AUTS2: variants seen among roughly 807,000 people sequenced by gnomAD.
The protein encoded by AUTS2 is activator of transcription and developmental regulator AUTS2.
A neutral mutation model predicts 112.4 loss-of-function variants in AUTS2; 17 were observed. That is an observed-to-expected ratio of 0.15 (90% CI 0.10 to 0.23). The LOEUF is 0.23. Ranked by LOEUF, AUTS2 falls within the 10% of genes least tolerant of loss-of-function variation. The pLI, the probability that AUTS2 is intolerant of heterozygous loss-of-function variation, is 1.00. For missense variants in AUTS2, 1,510 were observed against 1,701.6 expected (o/e 0.89, Z 1.98); for synonymous variants, 751 against 702.7 (o/e 1.07, Z -1.09).
chr7:70,119,928 C>T (rs1805596739), intron 3 of AUTS2: 1 of 152,028 alleles, frequency 6.6e-6, no homozygotes, highest in South Asian at 2.1e-4. Context: ...AAAGAAAATA[C>T]TAGTACTTTT....
At chr7:70,069,860 ATAATAGG>A (rs1205512235) in intron 2 of AUTS2, among the ~76,000 whole-genome samples, 1 of 152,140 alleles carries the variant, frequency 6.6e-6, no homozygotes, top group Non-Finnish European at 1.5e-5. Context: ...ATCCTGTTAT[ATAATAGG>A]AAAACATTTG....
At chr7:70,480,371 A>G (rs929876368) in intron 5 of AUTS2, among the ~76,000 whole-genome samples, 1 of 152,238 alleles carries the variant, frequency 6.6e-6, no homozygotes, top group South Asian at 2.1e-4. Context: ...AAGAAAGTTG[A>G]TAAAGTAATA....
At chr7:70,339,405 A>G (rs1416074197) in intron 4 of AUTS2, among the ~76,000 whole-genome samples, 14 of 152,346 alleles carry the variant, frequency 9.2e-5, no homozygotes, top group Admixed American at 2.6e-4. Context: ...AATTTATTCA[A>G]CACAGAAATA....
intron 2 of AUTS2, among the ~76,000 whole-genome samples, chr7:70,027,077 G>A (rs1800554187): frequency 6.6e-6 from 1 of 152,002 alleles, no homozygotes; most frequent in African/African-American, 2.4e-5. Context: ...CCCATCTGTA[G>A]GCTAATGTAA....
At chr7:70,401,988 A>T (rs1794345460) in intron 4 of AUTS2, among the ~76,000 whole-genome samples, 1 of 152,270 alleles carries the variant, frequency 6.6e-6, no homozygotes, top group Non-Finnish European at 1.5e-5. Flanking sequence ...TGATCAACTC[A>T]TAACCTTCTA....
intron 1 of AUTS2, among the ~76,000 whole-genome samples, chr7:69,858,650 GA>G (rs1792843224): frequency 6.6e-6 from 1 of 152,166 alleles, no homozygotes; most frequent in South Asian, 2.1e-4. Flanking sequence ...GTGATGCTTT[GA>G]TTGGCTGCTA....
At chr7:70,145,310 C>T (rs975813608) in intron 4 of AUTS2, among the ~76,000 whole-genome samples, 6 of 151,952 alleles carry the variant, frequency 3.9e-5, no homozygotes, top group Non-Finnish European at 5.9e-5. Flanking sequence ...TTGTAGCCAT[C>T]GTGTACAACT....
chr7:70,156,398 T>C (rs4623296), intron 4 of AUTS2, among the ~76,000 whole-genome samples: 33,079 of 152,122 alleles, frequency 0.22, 3,594 homozygotes, highest in Middle Eastern at 0.32. Context: ...AGCTTTTCTC[T>C]GGGCTCAAAT....
intron 4 of AUTS2, among the ~76,000 whole-genome samples, chr7:70,419,349 A>C (rs1392056315): frequency 7.3e-6 from 1 of 136,796 alleles, no homozygotes; most frequent in Admixed American, 8.4e-5. Flanking sequence ...CCTCTTATAG[A>C]TTTATGACTC....
chr7:70,485,533 G>A (rs1166782359), intron 5 of AUTS2, among the ~76,000 whole-genome samples: 2 of 152,090 alleles, frequency 1.3e-5, no homozygotes, highest in Non-Finnish European at 2.9e-5. Context: ...CACTGCTCAG[G>A]TGACGGCTGC....
At chr7:69,728,931 G>A (rs950264679) in intron 1 of AUTS2, among the ~76,000 whole-genome samples, 2 of 152,116 alleles carry the variant, frequency 1.3e-5, no homozygotes, top group Admixed American at 1.3e-4. Context: ...GGATTTTTTA[G>A]TGTTTTCCTA....
At chr7:70,347,867 A>G (rs540417858) in intron 4 of AUTS2, among the ~76,000 whole-genome samples, 4 of 152,318 alleles carry the variant, frequency 2.6e-5, no homozygotes, top group African/African-American at 7.2e-5. Flanking sequence ...TCCCTGGCCT[A>G]GAGGACTGTA....
chr7:70,561,964 C>T (rs1350300447), intron 5 of AUTS2, among the ~76,000 whole-genome samples: 1 of 152,064 alleles, frequency 6.6e-6, no homozygotes, highest in Non-Finnish European at 1.5e-5. Flanking sequence ...GGCTTGGTGT[C>T]CTCCCTGTGG....
intron 4 of AUTS2, among the ~76,000 whole-genome samples, chr7:70,419,339 C>T (rs749147777): frequency 2.0e-5 from 3 of 151,386 alleles, no homozygotes; most frequent in South Asian, 2.1e-4. Context: ...CCTGGATCTT[C>T]CTCTTATAGA....
chr7:70,215,573 A>G (rs1448952540), intron 4 of AUTS2, among the ~76,000 whole-genome samples: 1 of 152,210 alleles, frequency 6.6e-6, no homozygotes, highest in Admixed American at 6.5e-5. Flanking sequence ...GAGACATACT[A>G]CAGGAAAGAA....
intron 6 of AUTS2, among the ~76,000 whole-genome samples, chr7:70,756,078 G>T (rs1789178850): frequency 6.6e-6 from 1 of 151,930 alleles, no homozygotes; most frequent in African/African-American, 2.4e-5. Context: ...CTGGATGATG[G>T]GACTGCAATT....
chr7:70,622,274 T>C lies in AUTS2; in HGVS notation c.691-76295T>C, dbSNP rs186974670. Among the ~76,000 whole-genome samples, 243 of 152,280 alleles carry C rather than the reference T, an allele frequency of 1.6e-3. 3 individuals are homozygous for C. Among genetic ancestry groups the C allele is most frequent in the South Asian group, 7.1e-3 (34 of 4,816 alleles). ...CCAAGTTCTCTTAAAAATGCATCTT[T>C]GACTTATATTCTCTCCTGCCTGAGG... is the stretch of plus-strand genomic sequence containing the variant. On this transcript the variant is annotated intron_variant, in intron 5 of 18. Transcript: ENST00000342771.
intron 5 of AUTS2, among the ~76,000 whole-genome samples, chr7:70,518,866 G>C (rs191150966): frequency 1.6e-3 from 240 of 152,038 alleles, no homozygotes; most frequent in African/African-American, 5.6e-3. Context: ...ACCACACCCA[G>C]CTAATTTTTG....
chr7:70,231,194 G>A (rs1307473809), intron 4 of AUTS2, among the ~76,000 whole-genome samples: 1 of 152,158 alleles, frequency 6.6e-6, no homozygotes, highest in Non-Finnish European at 1.5e-5. Flanking sequence ...CATTTTGGAA[G>A]GTCTGCTGTC....
Sources: gnomAD v4.1 joint callset for allele counts (sites outside exome capture counted in the v4.1 genomes callset) on GRCh38, gnomAD v4.1.1 for gene constraint, MANE v1.5 for transcripts, NCBI Gene and HGNC (gene_info 2026-07-23, HGNC 2026-07-21) for gene names.